NEGR1: variants seen among roughly 807,000 people sequenced by gnomAD.
NEGR1 encodes the protein neuronal growth regulator 1, also known as IgLON family member 4.
NEGR1 carries 10 observed loss-of-function variants against 40.9 expected under a neutral mutation model. The ratio of observed to expected loss-of-function variants is 0.24; its 90% confidence interval spans 0.15 to 0.42. NEGR1 has a LOEUF of 0.42. Ranked by LOEUF, NEGR1 falls within the 10% of genes least tolerant of loss-of-function variation. NEGR1 has a pLI of 1.00. For synonymous variants in NEGR1, 185 were observed against 166.8 expected, an observed-to-expected ratio of 1.11 and a Z score of -0.84; for missense variants, 352 against 438.9, an observed-to-expected ratio of 0.80 and a Z score of 1.77.
At chr1:71,409,050 T>C (rs1646299023) in intron 6 of NEGR1, 1 of 152,036 alleles carries the variant, frequency 6.6e-6, no homozygotes, top group Non-Finnish European at 1.5e-5. Context: ...TATTTTTTAA[T>C]AAACAAAGAG....
At chr1:71,859,355 C>A (rs1659875957) in intron 2 of NEGR1, among the ~76,000 whole-genome samples, 1 of 152,010 alleles carries the variant, frequency 6.6e-6, no homozygotes, top group Non-Finnish European at 1.5e-5. Context: ...CTGTGCTTTA[C>A]ACAAAAGTTA....
intron 1 of NEGR1, among the ~76,000 whole-genome samples, chr1:72,040,247 T>C (rs1646940265): frequency 6.6e-6 from 1 of 151,868 alleles, no homozygotes; most frequent in South Asian, 2.1e-4. Context: ...TTAAAGGTGC[T>C]AGAGAACAAT....
At chr1:71,731,679 G>A (rs531346916) in intron 3 of NEGR1, among the ~76,000 whole-genome samples, 11 of 152,188 alleles carry the variant, frequency 7.2e-5, no homozygotes, top group South Asian at 4.1e-4. Flanking sequence ...TGGACTTGCC[G>A]AAAGTGATCA....
intron 1 of NEGR1, among the ~76,000 whole-genome samples, chr1:72,277,833 G>A (rs959614825): frequency 2.6e-5 from 4 of 152,232 alleles, no homozygotes; most frequent in Non-Finnish European, 5.9e-5. Context: ...GCATCAATGT[G>A]TAGGAATAAC....
intron 4 of NEGR1, among the ~76,000 whole-genome samples, chr1:71,680,048 A>T (rs1652783773): frequency 6.6e-6 from 1 of 152,036 alleles, no homozygotes; most frequent in African/African-American, 2.4e-5. Context: ...TCTTTGAATC[A>T]ATTTTTTAAT....
At chr1:71,494,660 A>G (rs1197660786) in intron 6 of NEGR1, among the ~76,000 whole-genome samples, 2 of 152,162 alleles carry the variant, frequency 1.3e-5, no homozygotes, top group Admixed American at 1.3e-4. Flanking sequence ...CTGGGGACCC[A>G]GGAACTTTGT....
chr1:71,436,184 C>A (rs972394541), intron 6 of NEGR1, among the ~76,000 whole-genome samples: 4 of 143,372 alleles, frequency 2.8e-5, no homozygotes, highest in African/African-American at 8.0e-5. Context: ...ACAGGACTTA[C>A]AACAGAGGCA....
chr1:72,257,740 T>C (rs1655321982), intron 1 of NEGR1, among the ~76,000 whole-genome samples: 1 of 152,150 alleles, frequency 6.6e-6, no homozygotes, highest in Non-Finnish European at 1.5e-5. Context: ...CTGAGAAATG[T>C]TAACCATAAT....
intron 6 of NEGR1, among the ~76,000 whole-genome samples, chr1:71,490,406 T>C (rs947455827): frequency 2.6e-5 from 4 of 151,988 alleles, no homozygotes; most frequent in African/African-American, 9.7e-5. Flanking sequence ...ATAAAGGATA[T>C]AAAGGCTGAC....
intron 1 of NEGR1, among the ~76,000 whole-genome samples, chr1:72,231,572 T>G (rs1654366083): frequency 6.6e-6 from 1 of 152,196 alleles, no homozygotes; most frequent in Non-Finnish European, 1.5e-5. Flanking sequence ...ATTGATGTCA[T>G]GATTTATCTA....
intron 1 of NEGR1, among the ~76,000 whole-genome samples, chr1:72,053,498 T>C (rs1178436759): frequency 6.6e-6 from 1 of 151,198 alleles, no homozygotes; most frequent in Non-Finnish European, 1.5e-5. Context: ...TAAGAATCTA[T>C]ATAGCATAAA....
chr1:72,139,154 T>G (rs941489082), intron 1 of NEGR1, among the ~76,000 whole-genome samples: 1 of 150,722 alleles, frequency 6.6e-6, no homozygotes, highest in African/African-American at 2.4e-5. Flanking sequence ...TAGAGCAGTA[T>G]TTAGGGAAAT....
chr1:71,449,691 A>C (rs141441673), intron 6 of NEGR1, among the ~76,000 whole-genome samples: 1,752 of 152,308 alleles, frequency 0.012, 13 homozygotes, highest in South Asian at 0.032. Context: ...ATTCTCAACA[A>C]GTTTTCAAAG....
intron 4 of NEGR1, among the ~76,000 whole-genome samples, chr1:71,615,090 C>A (rs1208778248): frequency 6.6e-6 from 1 of 152,086 alleles, no homozygotes. Flanking sequence ...ATGAGGCTAT[C>A]CCTTTGTGGC....
intron 6 of NEGR1, among the ~76,000 whole-genome samples, chr1:71,559,459 T>C (rs1648369819): frequency 6.6e-6 from 1 of 151,576 alleles, no homozygotes; most frequent in South Asian, 2.1e-4. Context: ...CTGCATTCCA[T>C]CTTGTGTTTC....
At chr1:71,865,213 T>C (rs1358195730) in intron 2 of NEGR1, among the ~76,000 whole-genome samples, 1 of 152,190 alleles carries the variant, frequency 6.6e-6, no homozygotes, top group Admixed American at 6.5e-5. Context: ...AGGTCTTCAG[T>C]AGAGCTTTTC....
chr1:71,676,233 A>G lies in NEGR1; in HGVS notation c.667+21775T>C, dbSNP rs188495965. 2.1e-4 allele frequency among the ~76,000 whole-genome samples: 32 copies of G among 152,220 alleles called. No homozygotes were observed. The East Asian group carries it at 6.0e-3, about 28-fold the overall frequency. On this transcript the variant is annotated intron_variant, in intron 4 of 6. Coordinates refer to ENST00000357731, the MANE Select transcript of NEGR1 (RefSeq NM_173808.3). ...ATACTGTGAATTAGGGACCATCATT[A>G]TTTTGGAAGTTATTATTAAGAAAAA...
intron 1 of NEGR1, among the ~76,000 whole-genome samples, chr1:71,942,455 C>CTCTATATATATA (rs1553123457): frequency 1.9e-4 from 4 of 21,294 alleles, no homozygotes; most frequent in South Asian, 2.9e-3. Context: ...TTCTTTAAAT[C>CTCTATATATATA]TATATATATA....
chr1:71,969,907 C>G (rs1332677637), intron 1 of NEGR1, among the ~76,000 whole-genome samples: 1 of 151,894 alleles, frequency 6.6e-6, no homozygotes, highest in Non-Finnish European at 1.5e-5. Context: ...TTTTTTCTTT[C>G]AATAGATATT....
Sources: gnomAD v4.1 joint callset for allele counts (sites outside exome capture counted in the v4.1 genomes callset) on GRCh38, gnomAD v4.1.1 for gene constraint, MANE v1.5 for transcripts, NCBI Gene and HGNC (gene_info 2026-07-23, HGNC 2026-07-21) for gene names.